Variants in DYNC2I1 observed in about 807,000 individuals in gnomAD.
DYNC2I1 encodes the protein cytoplasmic dynein 2 intermediate chain 1.
In DYNC2I1, 89 loss-of-function variants were observed where a neutral mutation model predicts 133.4. The observed-to-expected ratio is 0.67, with a 90% confidence interval of 0.56 to 0.80. The LOEUF (loss-of-function observed/expected upper bound fraction) is 0.80, where lower values mean the gene tolerates loss of function less well. DYNC2I1 is among the 30% of genes least tolerant of loss of function. The probability of loss-of-function intolerance (pLI) is 0.00; values close to 1 mark genes in which losing one functional copy is unlikely to be tolerated. For missense variants in DYNC2I1, 1,291 were observed against 1,314.5 expected (o/e 0.98, Z 0.28); for synonymous variants, 504 against 484.3 (o/e 1.04, Z -0.54).
intron 1 of DYNC2I1, among the ~76,000 whole-genome samples, chr7:158,866,651 G>A (rs1481615639): frequency 1.3e-5 from 2 of 152,094 alleles, no homozygotes; most frequent in Middle Eastern, 3.2e-3. Flanking sequence ...TTGGGAGGCC[G>A]AGGTGGGGGG....
At chr7:158,905,888 A>G (rs912390575) in intron 10 of DYNC2I1, 101 bp from the exon 11 acceptor site, 2 of 820,696 alleles carry the variant, frequency 2.4e-6, no homozygotes, top group African/African-American at 1.7e-5. Flanking sequence ...TTTATTGACT[A>G]TAATTGTTAT....
intron 23 of DYNC2I1, among the ~76,000 whole-genome samples, chr7:158,936,462 G>A (rs1563201674): frequency 6.6e-6 from 1 of 152,182 alleles, no homozygotes; most frequent in Non-Finnish European, 1.5e-5. Context: ...GGCACCAAGT[G>A]CATGGAAAAT....
chr7:158,938,538 G>C (rs1422228792), intron 23 of DYNC2I1, among the ~76,000 whole-genome samples: 5 of 152,142 alleles, frequency 3.3e-5, no homozygotes, highest in African/African-American at 9.7e-5. Flanking sequence ...GGGTGGATCA[G>C]TTGAGGTCAG....
Position 158,942,043 on chromosome 7 carries a change from G to A in DYNC2I1, c.2897G>A (p.Arg966Lys). The change falls in exon 24 of 25, where the codon AGG (arginine) becomes AAG (lysine). Residue 966 changes from arginine (R) to lysine (K), a missense_variant. Physicochemically the swap from Arg to Lys is conservative, Grantham distance 26. Transcript: ENST00000407559. The part of the protein sequence containing the change: ...AVTGLQWSPT[R>K]PAVFLVQDDT... Reference sequence around the variant, plus strand: ...ACCGGCCTGCAGTGGTCCCCAACCAGGCCTGCCGTGTTCCTGGTGCAGGAC... The same window carrying A: ...ACCGGCCTGCAGTGGTCCCCAACCAAGCCTGCCGTGTTCCTGGTGCAGGAC... 1 of 1,613,346 alleles carries A rather than the reference G, an allele frequency of 6.2e-7. No individual in the cohort carries two copies. The highest frequency in any genetic ancestry group is 8.5e-7 in the Non-Finnish European group (1 of 1,179,686).
Position 158,942,108 on chromosome 7 carries a change from G to T in DYNC2I1, c.2962G>T (p.Asp988Tyr). 6.3e-7 allele frequency: 1 copy of T among 1,588,122 alleles called. No individual in the cohort carries two copies. The highest frequency in any genetic ancestry group is 8.6e-7 in the Non-Finnish European group (1 of 1,164,732). The change falls in exon 24 of 25, where the codon GAT (aspartate) becomes TAT (tyrosine). Residue 988 changes from aspartate (D) to tyrosine (Y), a missense_variant. By Grantham distance (160) the Asp-to-Tyr change is radical (BLOSUM62 -3). Transcript: ENST00000407559. ...NIYIWDLLQSDLGPVAKQQVS... is the reference protein window; with the variant it reads ...NIYIWDLLQSYLGPVAKQQVS... ...CTACATCTGGGACCTCCTCCAGAGC[G>T]ATCTGGGTCCTGTCGCCAAACAGCA...
intron 7 of DYNC2I1, among the ~76,000 whole-genome samples, chr7:158,888,297 A>G (rs113533775): frequency 0.017 from 2,589 of 152,184 alleles, 76 homozygotes; most frequent in African/African-American, 0.058. Flanking sequence ...TGCTGGGATT[A>G]CAGGCGTGAG....
the DYNC2I1 span, among the ~76,000 whole-genome samples, chr7:158,840,921 C>T: frequency 2.6e-5 from 4 of 152,124 alleles, no homozygotes; most frequent in Non-Finnish European, 5.9e-5. Flanking sequence ...CCACGGAGGC[C>T]ACAAGCCTCC....
upstream of DYNC2I1, among the ~76,000 whole-genome samples, chr7:158,853,937 G>A (rs1841111063): frequency 6.6e-6 from 1 of 151,738 alleles, no homozygotes; most frequent in Non-Finnish European, 1.5e-5. Context: ...ACAGGCATGA[G>A]CCACCATGCC....
intron 23 of DYNC2I1, among the ~76,000 whole-genome samples, chr7:158,940,590 C>T (rs2129488553): frequency 6.6e-6 from 1 of 152,264 alleles, no homozygotes; most frequent in South Asian, 2.1e-4. Flanking sequence ...TCTTAGGCCC[C>T]AGACAAGTCG....
chr7:158,912,879 C>T (rs936322809), intron 12 of DYNC2I1, 106 bp from the exon 13 acceptor site: 5 of 775,248 alleles, frequency 6.4e-6, no homozygotes, highest in Non-Finnish European at 1.0e-5. Context: ...GTTCTTTATG[C>T]TTTGATACTT....
intron 17 of DYNC2I1, among the ~76,000 whole-genome samples, chr7:158,925,177 C>G (rs1374183935): frequency 6.6e-6 from 1 of 152,214 alleles, no homozygotes; most frequent in African/African-American, 2.4e-5. Context: ...CCCGGGAGAC[C>G]AGCCCTTTCC....
At chr7:158,903,264 C>T (rs1351998765) in intron 10 of DYNC2I1, 1 of 152,144 alleles carries the variant, frequency 6.6e-6, no homozygotes, top group Non-Finnish European at 1.5e-5. Context: ...TGTATTTTTT[C>T]TCCAAATTCT....
intron 23 of DYNC2I1, among the ~76,000 whole-genome samples, chr7:158,941,385 C>T (rs1231145951): frequency 1.3e-5 from 2 of 152,090 alleles, no homozygotes; most frequent in East Asian, 1.9e-4. Context: ...TTTATATATA[C>T]GCTGAATCTG....
rs1023573871 is a variant in DYNC2I1, at chr7:158,879,726, C to T, written c.616C>T (p.Leu206Phe). 6.3e-7 allele frequency: 1 copy of T among 1,598,286 alleles called. No homozygotes were observed. The highest frequency in any genetic ancestry group is 1.9e-5 in the Admixed American group (1 of 53,908). Reference sequence around the variant, plus strand: ...CAAGGACAACCCTCTCAAGTACTGGCTTTATAAAGAAGAAGGCGAGAGGAG... The same window carrying T: ...CAAGGACAACCCTCTCAAGTACTGGTTTTATAAAGAAGAAGGCGAGAGGAG... ...DSKDNPLKYW[L>F]YKEEGERRHR... Residue 206 changes from leucine (L) to phenylalanine (F), a missense_variant, in exon 5 of 25, where the codon CTT becomes TTT. Physicochemically the swap from Leu to Phe is conservative, Grantham distance 22. Coordinates refer to ENST00000407559, the MANE Select transcript of DYNC2I1 (RefSeq NM_018051.5).
At chr7:158,881,361 C>G (rs534672046) in intron 5 of DYNC2I1, among the ~76,000 whole-genome samples, 11 of 152,352 alleles carry the variant, frequency 7.2e-5, no homozygotes, top group African/African-American at 2.6e-4. Context: ...CTGGACTCCC[C>G]TCTAGTCAGC....
intron 14 of DYNC2I1, among the ~76,000 whole-genome samples, chr7:158,916,257 C>T (rs1400056764): frequency 1.3e-4 from 5 of 37,400 alleles, no homozygotes; most frequent in African/African-American, 3.8e-4. Flanking sequence ...AACGTCTACA[C>T]GCTGGTTGAC....
intron 1 of DYNC2I1, among the ~76,000 whole-genome samples, chr7:158,862,372 T>C (rs1449944324): frequency 6.6e-6 from 1 of 152,124 alleles, no homozygotes; most frequent in Non-Finnish European, 1.5e-5. Flanking sequence ...TGATTGGTTA[T>C]ACATCACTGA....
intron 11 of DYNC2I1, among the ~76,000 whole-genome samples, chr7:158,911,266 C>A (rs961818112): frequency 3.3e-5 from 5 of 152,174 alleles, no homozygotes; most frequent in Non-Finnish European, 7.3e-5. Flanking sequence ...TTTGTGTTAG[C>A]TCAGGCATAC....
At chr7:158,879,050 C>T (rs552624713) in intron 4 of DYNC2I1, among the ~76,000 whole-genome samples, 1 of 151,988 alleles carries the variant, frequency 6.6e-6, no homozygotes, top group East Asian at 1.9e-4. Flanking sequence ...GGAGGGCCGA[C>T]CGTGAGTGTC....
Sources: gnomAD v4.1 joint callset for allele counts (sites outside exome capture counted in the v4.1 genomes callset) on GRCh38, gnomAD v4.1.1 for gene constraint, MANE v1.5 for transcripts, NCBI Gene and HGNC (gene_info 2026-07-23, HGNC 2026-07-21) for gene names.